Variants in ZNF492 observed in about 807,000 individuals in gnomAD.
The protein encoded by ZNF492 is zinc finger protein 492.
In ZNF492, 3 loss-of-function variants were observed where a neutral mutation model predicts 6.4. That is an observed-to-expected ratio of 0.47 (90% CI 0.21 to 1.22). The LOEUF is 1.22. Among genes scored for constraint, ZNF492 ranks in the 50% most tolerant of loss-of-function variants. ZNF492 has a pLI of 0.22. For missense variants in ZNF492, 356 were observed against 612.5 expected, an observed-to-expected ratio of 0.58 and a Z score of 4.42; for synonymous variants, 112 against 205.3, an observed-to-expected ratio of 0.55 and a Z score of 3.89.
At chr19:22,662,414 A>G (rs911224290) in intron 3 of ZNF492, among the ~76,000 whole-genome samples, 6 of 152,222 alleles carry the variant, frequency 3.9e-5, no homozygotes, top group South Asian at 2.1e-4. Context: ...GTGTCCTTAT[A>G]GTAGCATGAT....
At chr19:22,659,668 T>TTG (rs1830326041) in intron 3 of ZNF492, among the ~76,000 whole-genome samples, 3 of 61,922 alleles carry the variant, frequency 4.8e-5, no homozygotes, top group African/African-American at 2.6e-4. Flanking sequence ...TTTTTTGTTG[T>TTG]TTTTTTTTTT....
At chr19:22,654,692 C>G (rs1416279723) in intron 3 of ZNF492, among the ~76,000 whole-genome samples, 1 of 150,540 alleles carries the variant, frequency 6.6e-6, no homozygotes, top group Admixed American at 6.6e-5. Flanking sequence ...ACCTCTGCCT[C>G]CTGGGTTCAA....
intron 1 of ZNF492, among the ~76,000 whole-genome samples, chr19:22,650,806 A>T (rs1971932161): frequency 6.6e-6 from 1 of 152,078 alleles, no homozygotes; most frequent in African/African-American, 2.4e-5. Flanking sequence ...AGCTATAGAG[A>T]TGACTGCCGC....
chr19:22,634,883 A>T (rs551489978), intron 1 of ZNF492, among the ~76,000 whole-genome samples: 4 of 152,280 alleles, frequency 2.6e-5, no homozygotes, highest in African/African-American at 7.2e-5. Flanking sequence ...TTAAAAATTT[A>T]TGGGAGTTAT....
At chr19:22,653,739 G>T (rs1431022747) in intron 2 of ZNF492, among the ~76,000 whole-genome samples, 181 bp from the exon 3 acceptor site, 1 of 151,864 alleles carries the variant, frequency 6.6e-6, no homozygotes, top group Non-Finnish European at 1.5e-5. Flanking sequence ...GTAGTATCAG[G>T]TAGTGAAATT....
At chr19:22,644,317 GTA>G (rs1351844766) in intron 1 of ZNF492, among the ~76,000 whole-genome samples, 1 of 151,546 alleles carries the variant, frequency 6.6e-6, no homozygotes, top group Admixed American at 6.6e-5. Context: ...TATTACATAG[GTA>G]TATGTGTGCC....
intron 3 of ZNF492, among the ~76,000 whole-genome samples, chr19:22,654,553 A>C (rs1778551046): frequency 6.8e-6 from 1 of 147,564 alleles, no homozygotes; most frequent in African/African-American, 2.5e-5. Flanking sequence ...TGCTTTGGCT[A>C]TTCAAAGTTT....
intron 3 of ZNF492, 68 bp from the exon 4 acceptor site, chr19:22,663,732 G>A: frequency 7.2e-7 from 1 of 1,382,392 alleles, no homozygotes. Flanking sequence ...AATTTTATAG[G>A]TTAGATTTGT....
At chr19:22,663,157 A>G (rs949121871) in intron 3 of ZNF492, among the ~76,000 whole-genome samples, 2 of 152,098 alleles carry the variant, frequency 1.3e-5, no homozygotes, top group African/African-American at 2.4e-5. Flanking sequence ...ACATATGGCT[A>G]GCCAGTTTTC....
chr19:22,663,074 T>C (rs1449422208), intron 3 of ZNF492, among the ~76,000 whole-genome samples: 3 of 152,084 alleles, frequency 2.0e-5, no homozygotes, highest in Admixed American at 1.3e-4. Context: ...TTAGGTCTAA[T>C]ATTTAAGTCT....
intron 1 of ZNF492, among the ~76,000 whole-genome samples, chr19:22,641,338 G>C (rs1316315087): frequency 8.5e-5 from 13 of 152,068 alleles, no homozygotes; most frequent in Admixed American, 8.5e-4. Flanking sequence ...CTTGGTTCCT[G>C]CCTTAATTTC....
In ZNF492 at chr19:22,664,654, A is replaced by G. The variant is rs578179063; in HGVS notation, c.985A>G (p.Arg329Gly). The G allele has an allele frequency of 6.2e-7, 1 of 1,612,768 alleles. No individual in the cohort carries two copies. The highest frequency in any genetic ancestry group is 1.1e-5 in the South Asian group (1 of 90,990). ...GTTATCCCACCTTACTACACATAAGAGAATTCATTCTGGAGAGAAACCCTA... is the reference window on the plus strand; with the variant it reads ...GTTATCCCACCTTACTACACATAAGGGAATTCATTCTGGAGAGAAACCCTA... ...SQLSHLTTHK[R>G]IHSGEKPYKC... The change falls in exon 4 of 4, where the codon AGA becomes GGA. Residue 329 changes from arginine (R) to glycine (G), a missense_variant. This residue lies in a region of ZNF492 where 29 missense variants were observed against 56.8 expected (regional missense o/e 0.51). Transcript: ENST00000456783.
intron 1 of ZNF492, among the ~76,000 whole-genome samples, chr19:22,652,125 A>G (rs902961681): frequency 6.6e-6 from 1 of 151,300 alleles, no homozygotes; most frequent in African/African-American, 2.5e-5. Context: ...ATTTTTTTCT[A>G]TAGAGTTAAT....
chr19:22,658,176 G>A (rs1342912382), intron 3 of ZNF492, among the ~76,000 whole-genome samples: 1 of 151,836 alleles, frequency 6.6e-6, no homozygotes, highest in Non-Finnish European at 1.5e-5. Flanking sequence ...TGTAATCCCC[G>A]GATTTTGGGA....
chr19:22,654,173 G>A (rs1489433872), intron 3 of ZNF492, among the ~76,000 whole-genome samples, 158 bp downstream of exon 3: 3 of 151,968 alleles, frequency 2.0e-5, no homozygotes, highest in Non-Finnish European at 4.4e-5. Flanking sequence ...TCACATAGAA[G>A]CATCTTCTGT....
chr19:22,661,919 A>G (rs189459224), intron 3 of ZNF492, among the ~76,000 whole-genome samples: 31 of 152,226 alleles, frequency 2.0e-4, no homozygotes, highest in African/African-American at 7.5e-4. Flanking sequence ...ATCACTTGCT[A>G]TAATTGTTTC....
intron 3 of ZNF492, among the ~76,000 whole-genome samples, chr19:22,662,690 A>G (rs1244188171): frequency 1.3e-5 from 2 of 151,610 alleles, no homozygotes; most frequent in African/African-American, 4.9e-5. Flanking sequence ...GCCAGTGATG[A>G]TGAGCATTTT....
At chr19:22,635,861 G>T (rs888659724) in intron 1 of ZNF492, among the ~76,000 whole-genome samples, 2 of 152,192 alleles carry the variant, frequency 1.3e-5, no homozygotes, top group African/African-American at 2.4e-5. Context: ...GGGAAAAGAT[G>T]AATCTCTTTT....
At position 22,653,406 on chromosome 19, in the gene ZNF492, G is replaced by C; in HGVS notation, c.7G>C (p.Glu3Gln). Residue 3 changes from glutamate (E) to glutamine (Q), a missense_variant, in exon 2 of 4, where the codon GAG (glutamate) becomes CAG (glutamine). Around this residue, in one of 7 missense-constraint regions of ZNF492, gnomAD observed 196 missense variants for 219.4 expected, o/e 0.89. Transcript: ENST00000456783. The stretch of plus-strand genomic sequence containing the variant: ...GAATTTATATAGGAATGTGATGTTA[G>C]AGAACTACAGAAACCTGGTCTTCGT... MLENYRNLVFVGI... is the reference protein window; with the variant it reads MLQNYRNLVFVGI... The C allele has an allele frequency of 6.2e-7, 1 of 1,613,980 alleles. No homozygotes were observed. The highest frequency in any genetic ancestry group is 8.5e-7 in the Non-Finnish European group (1 of 1,180,016).
Sources: allele counts gnomAD v4.1 joint callset (sites outside exome capture counted in the v4.1 genomes callset), GRCh38; gene constraint gnomAD v4.1.1; regional missense constraint gnomAD v4.1.1; transcripts MANE v1.5; gene names NCBI Gene and HGNC (gene_info 2026-07-23, HGNC 2026-07-21).